UGT2B15: variants seen among roughly 807,000 people sequenced by gnomAD.
UGT2B15 encodes the protein UDP-glucuronosyltransferase 2B15.
In UGT2B15, 36 loss-of-function variants were observed where a neutral mutation model predicts 45.9. The observed-to-expected ratio is 0.78, with a 90% CI of 0.60 to 1.04. The LOEUF (loss-of-function observed/expected upper bound fraction) is 1.04, where lower values mean the gene tolerates loss of function less well. UGT2B15 is among the 50% of genes least tolerant of loss of function. UGT2B15 has a pLI of 0.00. For synonymous variants in UGT2B15, 219 were observed against 216.4 expected, an observed-to-expected ratio of 1.01 and a Z score of -0.11; for missense variants, 617 against 622.4, an observed-to-expected ratio of 0.99 and a Z score of 0.09.
intron 5 of UGT2B15, among the ~76,000 whole-genome samples, chr4:68,650,656 T>C (rs1732626889): frequency 6.6e-6 from 1 of 152,116 alleles, no homozygotes; most frequent in Non-Finnish European, 1.5e-5. Flanking sequence ...CCTTTGGGTA[T>C]ATACGAAGTA....
chr4:68,654,119 C>A lies in UGT2B15; in HGVS notation c.1231G>T (p.Gly411Ter), dbSNP rs776978588. Residue 411 changes from glycine (G) to a stop codon, truncating the protein, a stop_gained, in exon 5 of 6, where the codon GGA becomes TGA. Coordinates refer to ENST00000338206, the MANE Select transcript of UGT2B15 (RefSeq NM_001076.4). LOFTEE classifies it high-confidence loss of function. ...CTGATGTCCACACTGAGGGCTGCTC[C>A]CTTGGCTTTCATGTGAGCAATGTTA... ...HDNIAHMKAK[G>*]AALSVDIRTM... The A allele has an allele frequency of 6.2e-7, 1 of 1,613,462 alleles. No homozygotes were observed. The highest frequency in any genetic ancestry group is 1.7e-5 in the Admixed American group (1 of 59,928).
rs1219798798 is a variant in UGT2B15, at chr4:68,666,715, T to TA, written c.873+1324dup. Among the ~76,000 whole-genome samples, 36 of 149,564 alleles carry TA rather than the reference T, an allele frequency of 2.4e-4. 1 individual carries two copies. The highest frequency in any genetic ancestry group is 7.8e-4 in the African/African-American group (32 of 41,072). On this transcript the variant is annotated intron_variant, in intron 2 of 5. Coordinates refer to ENST00000338206, the MANE Select transcript of UGT2B15 (RefSeq NM_001076.4). ...CTTTTCAGTAGCTCTCCATTGTCCC[T>TA]ATGGGTATATCAAATTACATATATA...
intron 5 of UGT2B15, among the ~76,000 whole-genome samples, chr4:68,649,234 C>G (rs1220772970): frequency 6.7e-6 from 1 of 149,348 alleles, no homozygotes; most frequent in East Asian, 1.9e-4. Flanking sequence ...TTATTTATGG[C>G]CCAGCATATG....
chr4:68,657,496 G>A lies in UGT2B15; in HGVS notation c.1006-2314C>T, dbSNP rs1049946682. 2.4e-4 allele frequency among the ~76,000 whole-genome samples: 37 copies of A among 152,036 alleles called. 2 individuals carry two copies. Among genetic ancestry groups the A allele is most frequent in the African/African-American group, 8.9e-4 (37 of 41,382 alleles). ...CACCACACATAAACCCTAGGCCACA[G>A]CTCAGTTCCTCCTTTTAGGAAAAAA... On this transcript the variant is annotated intron_variant, in intron 3 of 5. Transcript: ENST00000338206.
chr4:68,659,304 T>C lies in UGT2B15; in HGVS notation c.1005+3704A>G, dbSNP rs1732894990. Among the ~76,000 whole-genome samples, 2 of 152,028 alleles carry C rather than the reference T, an allele frequency of 1.3e-5. 1 individual carries two copies. The highest frequency in any genetic ancestry group is 2.9e-5 in the Non-Finnish European group (2 of 67,936). On this transcript the variant is annotated intron_variant, in intron 3 of 5. Transcript: ENST00000338206. ...GATATTAAGTGTTTTAAACCTTTGA[T>C]ATTTGAGAAATTTTCCAAACAAATT...
chr4:68,659,953 C>G (rs1479930186), intron 3 of UGT2B15, among the ~76,000 whole-genome samples: 2 of 141,870 alleles, frequency 1.4e-5, no homozygotes, highest in Non-Finnish European at 3.1e-5. Flanking sequence ...GTGAAGGAAT[C>G]TTTTTTTTTT....
intron 2 of UGT2B15, among the ~76,000 whole-genome samples, chr4:68,667,187 G>C (rs1303174403): frequency 6.6e-6 from 1 of 150,738 alleles, no homozygotes; most frequent in Non-Finnish European, 1.5e-5. Context: ...TTTTGAGACA[G>C]AGTCTCGCTC....
At position 68,669,971 on chromosome 4, in the gene UGT2B15, T is replaced by C. The variant is rs748254717; in HGVS notation, c.648A>G (p.Ile216Met). ...ACCAAAAGTCAAAATAAAGCATATG[T>C]ATCATATTTTTTATCCTCTCCATGA... is the stretch of plus-strand genomic sequence containing the variant. ...MIFMERIKNM[I>M]HMLYFDFWFQ... Residue 216 changes from isoleucine (I) to methionine (M), a missense_variant, in exon 1 of 6, where the codon ATA (isoleucine) becomes ATG (methionine). Ile to Met is a conservative substitution (Grantham distance 10). Around this residue, in one of 3 missense-constraint regions of UGT2B15, gnomAD observed 351 missense variants for 342.1 expected, o/e 1.03. Transcript: ENST00000338206. 3 of 1,613,818 alleles carry C rather than the reference T, an allele frequency of 1.9e-6. No homozygotes were observed. The highest frequency in any genetic ancestry group is 2.5e-6 in the Non-Finnish European group (3 of 1,179,926).
rs4148271 is a variant in UGT2B15, at chr4:68,646,919, T to A, written c.*185A>T. The A allele has an allele frequency of 0.035, 26,611 of 766,254 alleles. 1,570 individuals carry two copies. The highest frequency in any genetic ancestry group is 0.26 in the East Asian group (9,011 of 35,140). The allele number at this position is 766,254 out of a possible 1,614,324, so 47.5% of individuals were successfully genotyped here. ...GTATTTTTCATAGCTTAAAAATCAT[T>A]GACATAGAATAATTCAGCTAAAGTA... On this transcript the variant is annotated 3_prime_UTR_variant, in exon 6 of 6. Transcript: ENST00000338206.
At chr4:68,654,705 G>C (rs900249456) in intron 4 of UGT2B15, among the ~76,000 whole-genome samples, 1 of 151,934 alleles carries the variant, frequency 6.6e-6, no homozygotes, top group Non-Finnish European at 1.5e-5. Flanking sequence ...CCCATAAAAA[G>C]TAGAGTCACT....
intron 1 of UGT2B15, 117 bp downstream of exon 1, chr4:68,669,778 T>G: frequency 2.2e-6 from 3 of 1,379,590 alleles, no homozygotes; most frequent in South Asian, 1.5e-5. Context: ...ATCTTACATT[T>G]GCAATTCATA....
intron 2 of UGT2B15, among the ~76,000 whole-genome samples, chr4:68,667,359 A>G (rs1052632200): frequency 6.6e-6 from 1 of 151,732 alleles, no homozygotes; most frequent in Admixed American, 6.6e-5. Context: ...TATTTTTGTT[A>G]GAGATGAGGT....
At chr4:68,652,781 G>T (rs1295921036) in intron 5 of UGT2B15, among the ~76,000 whole-genome samples, 1 of 151,074 alleles carries the variant, frequency 6.6e-6, no homozygotes, top group East Asian at 1.9e-4. Context: ...ATTTGATAAG[G>T]GATTGTATCT....
At chr4:68,657,573 CT>C (rs1424447045) in intron 3 of UGT2B15, among the ~76,000 whole-genome samples, 1 of 152,092 alleles carries the variant, frequency 6.6e-6, no homozygotes, top group Non-Finnish European at 1.5e-5. Context: ...GAATGACCCC[CT>C]GATATCACTT....
At chr4:68,669,760 G>C (rs1249461773) in intron 1 of UGT2B15, 135 bp downstream of exon 1, 2 of 1,296,886 alleles carry the variant, frequency 1.5e-6, no homozygotes, top group East Asian at 2.3e-5. Context: ...TTTTGAGACT[G>C]ATAGATCATC....
At chr4:68,648,910 G>A (rs1189976635) in intron 5 of UGT2B15, among the ~76,000 whole-genome samples, 3 of 151,984 alleles carry the variant, frequency 2.0e-5, no homozygotes, top group African/African-American at 7.2e-5. Flanking sequence ...TCTTCATTTT[G>A]TGATTAATGG....
chr4:68,663,973 C>T (rs1034910660), intron 2 of UGT2B15, among the ~76,000 whole-genome samples: 6 of 152,144 alleles, frequency 3.9e-5, no homozygotes, highest in East Asian at 1.9e-4. Flanking sequence ...GTCCTGAAAT[C>T]ACACTGTGAA....
chr4:68,655,707 G>A (rs1368686317), intron 3 of UGT2B15, among the ~76,000 whole-genome samples: 1 of 152,134 alleles, frequency 6.6e-6, no homozygotes, highest in South Asian at 2.1e-4. Context: ...TTTCTGGACC[G>A]AACAAATGTT....
intron 2 of UGT2B15, among the ~76,000 whole-genome samples, chr4:68,665,943 AG>A (rs1219742832): frequency 1.3e-5 from 2 of 152,222 alleles, no homozygotes; most frequent in Non-Finnish European, 2.9e-5. Flanking sequence ...GCTACTCGGG[AG>A]GCTGAGGCAG....
Sources: gnomAD v4.1 joint callset for allele counts (sites outside exome capture counted in the v4.1 genomes callset) on GRCh38, gnomAD v4.1.1 for gene constraint, gnomAD v4.1.1 regional missense constraint, MANE v1.5 for transcripts, NCBI Gene and HGNC (gene_info 2026-07-23, HGNC 2026-07-21) for gene names.